Variants in CIAPIN1 observed in about 807,000 individuals in gnomAD.
CIAPIN1 encodes the protein anamorsin.
A neutral mutation model predicts 34.3 loss-of-function variants in CIAPIN1; 18 were observed. The observed-to-expected ratio is 0.52, with a 90% CI of 0.36 to 0.78. The LOEUF (loss-of-function observed/expected upper bound fraction) is 0.78. Among genes scored for constraint, CIAPIN1 ranks in the 30% least tolerant of loss-of-function variants. The pLI is 0.00. For synonymous variants in CIAPIN1, 131 were observed against 140.4 expected, an observed-to-expected ratio of 0.93 and a Z score of 0.47; for missense variants, 310 against 372.5, an observed-to-expected ratio of 0.83 and a Z score of 1.38.
At chr16:57,440,178 G>C (rs1903296919) in intron 2 of CIAPIN1, among the ~76,000 whole-genome samples, 2 of 152,186 alleles carry the variant, frequency 1.3e-5, no homozygotes, top group Admixed American at 6.5e-5. Flanking sequence ...GTCTCCCGTA[G>C]CACTCCCAGG....
At position 57,431,178 on chromosome 16, in the gene CIAPIN1, C is replaced by T; in HGVS notation, c.719G>A (p.Gly240Glu). ...ASLRAASCGEGKKRKACKNCT... is the reference protein window; with the variant it reads ...ASLRAASCGEEKKRKACKNCT... The stretch of plus-strand genomic sequence containing the variant: ...GTTCTTACAGGCCTTCCTCTTTTTC[C>T]CTTCCCCACAAGAAGCAGCCCGCAG... Residue 240 changes from glycine to glutamate, a missense_variant, in exon 7 of 9, where the codon GGG (glycine) becomes GAG (glutamate). Physicochemically the swap from Gly to Glu is moderately conservative, Grantham distance 98 (BLOSUM62 -2). Transcript: ENST00000394391. 1.2e-6 allele frequency: 2 copies of T among 1,613,564 alleles called. No individual in the cohort carries two copies. Among genetic ancestry groups the T allele is most frequent in the Non-Finnish European group, 1.7e-6 (2 of 1,179,714 alleles).
chr16:57,439,570 G>A (rs1903280918), intron 2 of CIAPIN1, among the ~76,000 whole-genome samples: 1 of 152,218 alleles, frequency 6.6e-6, no homozygotes, highest in East Asian at 1.9e-4. Flanking sequence ...CAGGAAGTGA[G>A]GGACCCCAAA....
intron 4 of CIAPIN1, 141 bp downstream of exon 4, chr16:57,436,515 A>G: frequency 2.1e-6 from 1 of 478,418 alleles, no homozygotes; most frequent in Non-Finnish European, 3.7e-6. Flanking sequence ...GACGTGAGCC[A>G]CCACACCCGG....
chr16:57,440,109 A>G (rs1903294097), intron 2 of CIAPIN1, among the ~76,000 whole-genome samples: 1 of 152,152 alleles, frequency 6.6e-6, no homozygotes. Flanking sequence ...GGTCTCTAAA[A>G]TGGCCACTCT....
chr16:57,440,144 A>G (rs149639820), intron 2 of CIAPIN1, among the ~76,000 whole-genome samples: 2 of 152,178 alleles, frequency 1.3e-5, no homozygotes, highest in Non-Finnish European at 2.9e-5. Context: ...ATATGGTTGC[A>G]GATAAGGGAT....
chr16:57,433,967 CATTT>C, intron 5 of CIAPIN1, 73 bp downstream of exon 5: 1 of 1,278,202 alleles, frequency 7.8e-7, no homozygotes, highest in Non-Finnish European at 1.1e-6. Context: ...ATCACCATCT[CATTT>C]ATTGCTGGCT....
Position 57,436,639 on chromosome 16 carries a change from G to A in CIAPIN1, c.387+17C>T, listed in dbSNP as rs1567571897. ...CCTCACCTGCAGGGCAGCAAAGAAAGTTGTCTACAAACGTACCTCTTTCAC... is the reference window on the plus strand; with the variant it reads ...CCTCACCTGCAGGGCAGCAAAGAAAATTGTCTACAAACGTACCTCTTTCAC... On this transcript the variant is annotated intron_variant, in intron 4 of 8. Transcript: ENST00000394391. 6.2e-7 allele frequency: 1 copy of A among 1,604,942 alleles called. No homozygotes were observed. Among genetic ancestry groups the A allele is most frequent in the Admixed American group, 1.7e-5 (1 of 59,922 alleles).
chr16:57,440,039 A>C (rs1201264728), intron 2 of CIAPIN1, among the ~76,000 whole-genome samples: 7 of 152,228 alleles, frequency 4.6e-5, no homozygotes. Context: ...GAGAAATATC[A>C]CTGAATTCTT....
chr16:57,447,091 G>T (rs1024217871), intron 1 of CIAPIN1, among the ~76,000 whole-genome samples: 1 of 152,214 alleles, frequency 6.6e-6, no homozygotes, highest in South Asian at 2.1e-4. Flanking sequence ...GGCCGGCTGC[G>T]CAAGGGACGA....
intron 1 of CIAPIN1, among the ~76,000 whole-genome samples, chr16:57,445,948 C>T (rs1319433108): frequency 1.5e-5 from 2 of 137,372 alleles, no homozygotes; most frequent in Admixed American, 8.5e-5. Flanking sequence ...GGGGTTCAAG[C>T]GATTCTCCCG....
intron 1 of CIAPIN1, among the ~76,000 whole-genome samples, chr16:57,442,329 A>G (rs377410578): frequency 6.6e-6 from 1 of 152,160 alleles, no homozygotes; most frequent in Non-Finnish European, 1.5e-5. Flanking sequence ...CTGGTGACAG[A>G]GCGAGACTCC....
rs1340897289 is a variant in CIAPIN1 at position 57,436,970 on chromosome 16, C to CA, written c.311-239dup. On this transcript the variant is annotated intron_variant, in intron 3 of 8. Coordinates refer to ENST00000394391, the MANE Select transcript of CIAPIN1 (RefSeq NM_020313.4). ...ATCCCGTCTCTACTAAAAATACACA[C>CA]AAAAAAAATAGCCAGGCGTGGTGGC... is the stretch of plus-strand genomic sequence containing the variant. 7.3e-5 allele frequency among the ~76,000 whole-genome samples: 11 copies of CA among 151,332 alleles called. 1 individual carries two copies. Among genetic ancestry groups the CA allele is most frequent in the South Asian group, 4.2e-4 (2 of 4,806 alleles).
At position 57,434,064 on chromosome 16, in the gene CIAPIN1, G is replaced by C. The variant is rs1903146776; in HGVS notation, c.536C>G (p.Thr179Ser). 2.5e-6 allele frequency: 4 copies of C among 1,614,026 alleles called. No homozygotes were observed. Among genetic ancestry groups the C allele is most frequent in the Non-Finnish European group, 3.4e-6 (4 of 1,179,972 alleles). ...CTTACCTGAAGGAGAAGACTTCTTG[G>C]TGATGGAAAGCTTAAGCTGCCTAGA... ...GSSRQLKLSI[T>S]KKSSPSVKPA... is the part of the protein sequence containing the mutation. The change falls in exon 5 of 9, where the codon ACC (threonine) becomes AGC (serine). Residue 179 changes from threonine (T) to serine (S), a missense_variant. Coordinates refer to ENST00000394391, the MANE Select transcript of CIAPIN1 (RefSeq NM_020313.4).
intron 1 of CIAPIN1, among the ~76,000 whole-genome samples, chr16:57,446,955 C>T (rs1382534081): frequency 6.6e-6 from 1 of 152,182 alleles, no homozygotes; most frequent in Non-Finnish European, 1.5e-5. Flanking sequence ...CAAAACGTCA[C>T]GGGGACTGAG....
intron 3 of CIAPIN1, among the ~76,000 whole-genome samples, chr16:57,437,225 A>T (rs1235872238): frequency 6.6e-6 from 1 of 152,154 alleles, no homozygotes; most frequent in East Asian, 1.9e-4. Context: ...AACTTTTATG[A>T]TAGTATGAAA....
In CIAPIN1 at chr16:57,447,333, C is replaced by T. The variant is rs2030131462; in HGVS notation, c.-56+9G>A. 11 of 497,824 alleles carry T rather than the reference C, an allele frequency of 2.2e-5. No homozygotes were observed. The highest frequency in any genetic ancestry group is 3.2e-5 in the Non-Finnish European group (10 of 317,110). 30.8% of individuals were successfully genotyped at this position (497,824 alleles called of 1,614,324 possible). A position where few individuals can be genotyped will look rare whatever the true frequency, so the allele number is the denominator to read the frequency against. ...GCTCTGGCGCTCAGCTGGCCCCCAC[C>T]ACTCTCACCTGCCGCCTGGGCTCGC... On this transcript the variant is annotated intron_variant, in intron 1 of 8. Transcript: ENST00000394391.
chr16:57,430,131 C>T (rs144854426), intron 8 of CIAPIN1, 127 bp downstream of exon 8: 179 of 777,504 alleles, frequency 2.3e-4, no homozygotes, highest in African/African-American at 1.2e-3. Flanking sequence ...TTACTACCTA[C>T]GTTCGTGTGC....
At chr16:57,436,397 T>G (rs1376078534) in intron 4 of CIAPIN1, among the ~76,000 whole-genome samples, 1 of 151,948 alleles carries the variant, frequency 6.6e-6, no homozygotes, top group African/African-American at 2.4e-5. Flanking sequence ...CCGACTAATT[T>G]TTTTGTATTT....
Position 57,430,174 on chromosome 16 carries a change from G to A in CIAPIN1, c.828+84C>T. The stretch of plus-strand genomic sequence containing the variant: ...TTCGTCTGTTACTAAAATATTTGAG[G>A]TGGAGCTTGTCTGTGTTTAGTTTAG... On this transcript the variant is annotated intron_variant, in intron 8 of 8. Transcript: ENST00000394391. The A allele has an allele frequency of 6.1e-6, 7 of 1,146,564 alleles. No homozygotes were observed. In the Admixed American group the frequency reaches 1.1e-4, roughly 17 times the overall value. The allele number at this position is 1,146,564 out of a possible 1,614,324, so 71.0% of individuals were successfully genotyped here.
Sources: gnomAD v4.1 joint callset for allele counts (sites outside exome capture counted in the v4.1 genomes callset) on GRCh38, gnomAD v4.1.1 for gene constraint, MANE v1.5 for transcripts, NCBI Gene and HGNC (gene_info 2026-07-23, HGNC 2026-07-21) for gene names.